Variants in TTI1 observed in about 807,000 individuals in gnomAD.
The protein encoded by TTI1 is TELO2-interacting protein 1 homolog.
Under a neutral mutation model 85.4 loss-of-function variants are expected in TTI1, and 52 were observed. The ratio of observed to expected loss-of-function variants is 0.61; its 90% CI spans 0.49 to 0.77. The LOEUF is 0.77. Ranked by LOEUF, TTI1 falls within the 30% of genes least tolerant of loss-of-function variation. The pLI, the probability that TTI1 is intolerant of heterozygous loss-of-function variation, is 0.00. For synonymous variants in TTI1, 512 were observed against 503.9 expected, an observed-to-expected ratio of 1.02 and a Z score of -0.22; for missense variants, 1,173 against 1,296.0, an observed-to-expected ratio of 0.91 and a Z score of 1.46.
chr20:38,015,103 T>C lies in TTI1; in HGVS notation c.-41-1246A>G, dbSNP rs79859815. The stretch of plus-strand genomic sequence containing the variant: ...TGTGCTGCTTCTGTCTACCCCCAAT[T>C]CCATGAACACTCCCGAACTCGGTGG... On this transcript the variant is annotated intron_variant, in intron 1 of 7. Coordinates refer to ENST00000373447, the MANE Select transcript of TTI1 (RefSeq NM_001303457.2). Among the ~76,000 whole-genome samples the C allele has an allele frequency of 3.7e-3, 557 of 152,220 alleles. 1 individual carries two copies. The highest frequency in any genetic ancestry group is 0.013 in the African/African-American group (524 of 41,530).
chr20:37,983,615 C>A lies in TTI1; in HGVS notation c.3111G>T (p.Val1037=). 1 of 1,538,664 alleles carries A rather than the reference C, an allele frequency of 6.5e-7. No homozygotes were observed. The highest frequency in any genetic ancestry group is 1.3e-5 in the South Asian group (1 of 79,930). The part of the protein sequence containing the change: ...ARSVFLHLMK[V]DPDSTWFLLN... ...GGAGGAACCAGGTGGAGTCTGGGTC[C>A]ACCTTCATCAAGTGGAGGAAGACGC... is the stretch of plus-strand genomic sequence containing the variant. The change falls in exon 8 of 8, where the codon GTG becomes GTT. Residue 1037 remains valine, a synonymous_variant. Transcript: ENST00000373447.
At chr20:37,987,834 C>A (rs1436711211) in intron 7 of TTI1, among the ~76,000 whole-genome samples, 1 of 152,206 alleles carries the variant, frequency 6.6e-6, no homozygotes, top group African/African-American at 2.4e-5. Context: ...CTATCTACAA[C>A]TGACGGCTAT....
chr20:38,015,138 G>A (rs2073662840), intron 1 of TTI1, among the ~76,000 whole-genome samples: 1 of 152,108 alleles, frequency 6.6e-6, no homozygotes, highest in African/African-American at 2.4e-5. Context: ...GCTATAGATT[G>A]GCAGGCAAGT....
intron 6 of TTI1, 116 bp from the exon 7 acceptor site, chr20:37,996,578 C>A: frequency 7.1e-7 from 1 of 1,411,896 alleles, no homozygotes; most frequent in Non-Finnish European, 9.9e-7. Context: ...GGGCTCTCTA[C>A]TCCATCCCGC....
chr20:38,011,580 T>G lies in TTI1; in HGVS notation c.2237A>C (p.Asp746Ala), dbSNP rs1016721335. The G allele has an allele frequency of 8.7e-6, 14 of 1,614,052 alleles. No individual in the cohort carries two copies. Among genetic ancestry groups the G allele is most frequent in the Non-Finnish European group, 1.2e-5 (14 of 1,180,038 alleles). Residue 746 changes from aspartate to alanine, a missense_variant, in exon 2 of 8, where the codon GAC (aspartate) becomes GCC (alanine). By Grantham distance (126) the Asp-to-Ala change is moderately radical (BLOSUM62 -2). Transcript: ENST00000373447. ...AGCAGCTCTCTTATCGTAAAATTGGTCCAGGGTGGCCAAGACATCTTGAAC... is the reference window on the plus strand; with the variant it reads ...AGCAGCTCTCTTATCGTAAAATTGGGCCAGGGTGGCCAAGACATCTTGAAC... ...DVVQDVLATL[D>A]QFYDKRAASF...
Position 37,983,332 on chromosome 20 carries a change from C to G in TTI1, c.*124G>C, listed in dbSNP as rs965780579. The stretch of plus-strand genomic sequence containing the variant: ...TTGTGTGATCGATCAATTTATAAAT[C>G]GATTGGCTAACTAATTCACCTTCTC... On this transcript the variant is annotated 3_prime_UTR_variant, in exon 8 of 8. Transcript: ENST00000373447. 1 of 910,814 alleles carries G rather than the reference C, an allele frequency of 1.1e-6. No individual in the cohort carries two copies. Among genetic ancestry groups the G allele is most frequent in the African/African-American group, 1.7e-5 (1 of 59,028 alleles). The allele number at this position is 910,814 out of a possible 1,614,324, so 56.4% of individuals were successfully genotyped here.
chr20:38,013,126 T>C lies in TTI1; in HGVS notation c.691A>G (p.Ile231Val). 6.2e-7 allele frequency: 1 copy of C among 1,614,174 alleles called. No homozygotes were observed. Among genetic ancestry groups the C allele is most frequent in the Non-Finnish European group, 8.5e-7 (1 of 1,180,026 alleles). The change falls in exon 2 of 8, where the codon ATT becomes GTT. Residue 231 changes from isoleucine to valine, a missense_variant. Coordinates refer to ENST00000373447, the MANE Select transcript of TTI1 (RefSeq NM_001303457.2). ...AAGATCTTTAGGGAAGATACGACAA[T>C]GCTGTGACCTTGTTTAAAGTCTCCT... ...ITGDFKQGHS[I>V]VVSSLKIFYK...
intron 6 of TTI1, 100 bp downstream of exon 6, chr20:37,996,649 A>G: frequency 7.0e-7 from 1 of 1,437,620 alleles, no homozygotes; most frequent in Non-Finnish European, 9.6e-7. Context: ...GGAGGTACAC[A>G]GAGGGGAGGG....
At chr20:38,014,853 A>G (rs1016069231) in intron 1 of TTI1, among the ~76,000 whole-genome samples, 1 of 152,208 alleles carries the variant, frequency 6.6e-6, no homozygotes, top group Non-Finnish European at 1.5e-5. Context: ...GAGAGAAATA[A>G]AAGTCTCAAA....
At position 37,996,408 on chromosome 20, in the gene TTI1, T is replaced by A. The variant is rs766890800; in HGVS notation, c.3053A>T (p.Lys1018Ile). ...AGCCTCTTGTAATTTCACGGGCTGT[T>A]TGACACTGAGGTAAATCAAGCAGGC... is the stretch of plus-strand genomic sequence containing the variant. ...ADACLIYLSV[K>I]QPVKLQEAAR... Residue 1018 changes from lysine to isoleucine, a missense_variant, in exon 7 of 8, where the codon AAA becomes ATA. Transcript: ENST00000373447. 1 of 1,614,084 alleles carries A rather than the reference T, an allele frequency of 6.2e-7. No individual in the cohort carries two copies. The highest frequency in any genetic ancestry group is 1.1e-5 in the South Asian group (1 of 91,076).
chr20:38,029,648 G>A (rs753979813), intron 1 of TTI1, among the ~76,000 whole-genome samples: 3 of 152,084 alleles, frequency 2.0e-5, no homozygotes, highest in Admixed American at 2.0e-4. Flanking sequence ...AATGAAACGG[G>A]ACAGTACTAC....
At chr20:38,022,982 T>C (rs895463225) in intron 1 of TTI1, among the ~76,000 whole-genome samples, 5 of 152,326 alleles carry the variant, frequency 3.3e-5, no homozygotes, top group Non-Finnish European at 7.4e-5. Flanking sequence ...ATTTCCACCT[T>C]TGAATAACTA....
At position 37,999,196 on chromosome 20, in the gene TTI1, C is replaced by T; in HGVS notation, c.2785G>A (p.Ala929Thr). 1 of 1,468,372 alleles carries T rather than the reference C, an allele frequency of 6.8e-7. No individual in the cohort carries two copies. Among genetic ancestry groups the T allele is most frequent in the Non-Finnish European group, 9.0e-7 (1 of 1,105,460 alleles). 91.0% of individuals were successfully genotyped at this position (1,468,372 alleles called of 1,614,324 possible). ...GGATGCTGGTGCAGTACCTTGAAGG[C>T]TCTAAGCACTGCCAGGGGGGCGTCC... Reference protein sequence around the residue: ...TRDAPLAVLRAFKVLRTLGSK... With the variant: ...TRDAPLAVLRTFKVLRTLGSK... Residue 929 changes from alanine (A) to threonine (T), a missense_variant, in exon 5 of 8, where the codon GCC (alanine) becomes ACC (threonine). Ala to Thr is a moderately conservative substitution (Grantham distance 58). Transcript: ENST00000373447.
chr20:37,998,476 G>A (rs979072454), intron 5 of TTI1, among the ~76,000 whole-genome samples: 4 of 152,196 alleles, frequency 2.6e-5, no homozygotes, highest in African/African-American at 9.6e-5. Context: ...ATGGCAGCTC[G>A]CTGTGGTATG....
intron 7 of TTI1, among the ~76,000 whole-genome samples, chr20:37,988,773 TG>T (rs1362672263): frequency 6.6e-6 from 1 of 152,210 alleles, no homozygotes; most frequent in Non-Finnish European, 1.5e-5. Context: ...TTAAATGCAG[TG>T]GGAAAGTAAG....
In TTI1 at chr20:38,022,566, C is replaced by T. The variant is rs142074138; in HGVS notation, c.-41-8709G>A. ...TGTAGAGTGCTGATATCAGCTATTC[C>T]GAATCGGATTCTAGATAAAACCTGC... On this transcript the variant is annotated intron_variant, in intron 1 of 7. Transcript: ENST00000373447. 7.0e-3 allele frequency among the ~76,000 whole-genome samples: 1,062 copies of T among 152,172 alleles called. 5 individuals are homozygous for T. Among genetic ancestry groups the T allele is most frequent in the African/African-American group, 0.02 (842 of 41,500 alleles).
At chr20:37,987,511 C>G (rs746286816) in intron 7 of TTI1, 6 of 372,770 alleles carry the variant, frequency 1.6e-5, no homozygotes, top group Admixed American at 3.4e-5. Flanking sequence ...TTCTCCTCCC[C>G]CCAGGCCCAA....
Position 37,983,626 on chromosome 20 carries a change from A to G in TTI1, c.3100T>C (p.Leu1034=). 6.5e-7 allele frequency: 1 copy of G among 1,531,052 alleles called. No homozygotes were observed. Among genetic ancestry groups the G allele is most frequent in the Non-Finnish European group, 8.8e-7 (1 of 1,137,778 alleles). The allele number at this position is 1,531,052 out of a possible 1,614,324, so 94.8% of individuals were successfully genotyped here. Residue 1034 remains leucine (L), a synonymous_variant, in exon 8 of 8, where the codon TTG becomes CTG. Coordinates refer to ENST00000373447, the MANE Select transcript of TTI1 (RefSeq NM_001303457.2). ...GTGGAGTCTGGGTCCACCTTCATCA[A>G]GTGGAGGAAGACGCTGTGGAGAGAT... ...QEAARSVFLH[L]MKVDPDSTWF...
At chr20:38,029,964 A>G (rs1436198126) in intron 1 of TTI1, among the ~76,000 whole-genome samples, 3 of 152,152 alleles carry the variant, frequency 2.0e-5, no homozygotes, top group Admixed American at 6.5e-5. Flanking sequence ...CTCAGCCTCC[A>G]TAACTGTAAG....
Sources: gnomAD v4.1 joint callset for allele counts (sites outside exome capture counted in the v4.1 genomes callset) on GRCh38, gnomAD v4.1.1 for gene constraint, MANE v1.5 for transcripts, NCBI Gene and HGNC (gene_info 2026-07-23, HGNC 2026-07-21) for gene names.